The following DSCAM variants were observed in gnomAD, a reference collection of about 807,000 sequenced individuals.
DSCAM encodes the protein cell adhesion molecule DSCAM.
Under a neutral mutation model 217.7 loss-of-function variants are expected in DSCAM, and 47 were observed. The ratio of observed to expected loss-of-function variants is 0.22; its 90% CI spans 0.17 to 0.28. The LOEUF (loss-of-function observed/expected upper bound fraction) is 0.28, where lower values mean the gene tolerates loss of function less well. DSCAM is among the 10% of genes least tolerant of loss of function. DSCAM has a pLI of 1.00. For synonymous variants in DSCAM, 1,056 were observed against 1,015.3 expected (o/e 1.04, Z -0.76); for missense variants, 2,080 against 2,618.3 (o/e 0.79, Z 4.49).
chr21:40,143,990 A>G (rs1032230123), intron 17 of DSCAM, among the ~76,000 whole-genome samples: 3 of 152,182 alleles, frequency 2.0e-5, no homozygotes, highest in Non-Finnish European at 4.4e-5. Context: ...TCTCAGTGAC[A>G]TGGTGGAAGG....
rs2088156801 is a variant in DSCAM at position 40,016,326 on chromosome 21, C to G, written c.5687-2940G>C. ...CTTCCCAGGCTCTAAGCTCAGGAAA[C>G]TGTGTGGACAGTGAAATCACTAACT... On this transcript the variant is annotated intron_variant, in intron 32 of 32. Transcript: ENST00000400454. The surrounding 1 kb of genome is among the most constrained non-coding windows in gnomAD (Gnocchi z 4.3). Among the ~76,000 whole-genome samples, 1 of 152,140 alleles carries G rather than the reference C, an allele frequency of 6.6e-6. No homozygotes were observed. Among genetic ancestry groups the G allele is most frequent in the South Asian group, 2.1e-4 (1 of 4,834 alleles).
At chr21:40,178,810 G>A (rs1186148562) in intron 15 of DSCAM, 117 bp downstream of exon 15, 23 of 1,223,642 alleles carry the variant, frequency 1.9e-5, no homozygotes, top group Admixed American at 6.2e-5. Flanking sequence ...CGGAGAGCAC[G>A]CATCAAAGAC....
In DSCAM at chr21:40,502,166, G is replaced by A. The variant is rs185283784; in HGVS notation, c.509-132921C>T. ...TAGGCAACAAACCACAGTAGTATTA[G>A]TACTGTGACTTCATCATCAATAAAA... On this transcript the variant is annotated intron_variant, in intron 3 of 32. Coordinates refer to ENST00000400454, the MANE Select transcript of DSCAM (RefSeq NM_001389.5). Among the ~76,000 whole-genome samples, 51 of 152,170 alleles carry A rather than the reference G, an allele frequency of 3.4e-4. No individual in the cohort carries two copies. The East Asian group carries it at 9.5e-3, about 28-fold the overall frequency.
chr21:40,477,623 C>T (rs1374593815), intron 3 of DSCAM, among the ~76,000 whole-genome samples: 1 of 151,968 alleles, frequency 6.6e-6, no homozygotes, highest in African/African-American at 2.4e-5. Flanking sequence ...GTGATAAAAC[C>T]CATACTACTT....
At chr21:40,751,249 G>A (rs1447306602) in intron 1 of DSCAM, among the ~76,000 whole-genome samples, 3 of 152,110 alleles carry the variant, frequency 2.0e-5, no homozygotes, top group Admixed American at 2.0e-4. Flanking sequence ...GAAACTCCAC[G>A]TCTCCCTTAA....
intron 3 of DSCAM, among the ~76,000 whole-genome samples, chr21:40,509,770 C>A (rs1171721264): frequency 2.0e-5 from 3 of 152,218 alleles, no homozygotes; most frequent in African/African-American, 7.2e-5. Flanking sequence ...TACATGCATT[C>A]TGAAACCAAA....
intron 11 of DSCAM, among the ~76,000 whole-genome samples, chr21:40,196,603 C>T (rs2091012458): frequency 6.9e-6 from 1 of 145,798 alleles, no homozygotes; most frequent in African/African-American, 2.8e-5. Context: ...TTCTTTCCCT[C>T]TATCCTTCTG....
intron 3 of DSCAM, among the ~76,000 whole-genome samples, chr21:40,657,935 A>G (rs1436492603): frequency 6.6e-6 from 1 of 152,240 alleles, no homozygotes; most frequent in Non-Finnish European, 1.5e-5. Flanking sequence ...AAAAGTAAAT[A>G]AAATAAGAAT....
At chr21:40,152,588 A>G (rs1300683199) in intron 16 of DSCAM, among the ~76,000 whole-genome samples, 1 of 152,018 alleles carries the variant, frequency 6.6e-6, no homozygotes, top group African/African-American at 2.4e-5. Context: ...CAGCTTCCAA[A>G]TCCCTCCCAA....
At chr21:40,800,720 T>C (rs1189311080) in intron 1 of DSCAM, among the ~76,000 whole-genome samples, 4 of 150,120 alleles carry the variant, frequency 2.7e-5, no homozygotes, top group South Asian at 2.1e-4. Context: ...ACTTTCTTTT[T>C]TTTTTTTTTT....
At chr21:40,240,727 C>G (rs2073141409) in intron 11 of DSCAM, among the ~76,000 whole-genome samples, 1 of 152,146 alleles carries the variant, frequency 6.6e-6, no homozygotes, top group Non-Finnish European at 1.5e-5. Context: ...TTGGATTCCT[C>G]CTCTACATTC....
chr21:40,039,154 A>G (rs1265422802), intron 32 of DSCAM, among the ~76,000 whole-genome samples: 1 of 149,954 alleles, frequency 6.7e-6, no homozygotes, highest in Non-Finnish European at 1.5e-5. Flanking sequence ...GTACCCTGAA[A>G]CTTAAAGTAT....
chr21:40,369,437 G>A (rs1352015559), intron 3 of DSCAM, among the ~76,000 whole-genome samples, 192 bp from the exon 4 acceptor site: 1 of 149,694 alleles, frequency 6.7e-6, no homozygotes, highest in Non-Finnish European at 1.5e-5. Context: ...AAGGGTCCAA[G>A]CTGTTTTAAT....
At chr21:40,285,163 A>G (rs1022134225) in intron 10 of DSCAM, among the ~76,000 whole-genome samples, 9 of 152,302 alleles carry the variant, frequency 5.9e-5, no homozygotes, top group Non-Finnish European at 8.8e-5. Context: ...GTGATATTGG[A>G]AGTGGTTGAG....
intron 3 of DSCAM, among the ~76,000 whole-genome samples, chr21:40,556,488 G>A (rs2076672769): frequency 6.6e-6 from 1 of 152,102 alleles, no homozygotes; most frequent in Admixed American, 6.5e-5. Flanking sequence ...AGTATACAGA[G>A]GTCTGGGTAA....
At chr21:40,310,374 C>G (rs1351527974) in intron 9 of DSCAM, among the ~76,000 whole-genome samples, 1 of 152,206 alleles carries the variant, frequency 6.6e-6, no homozygotes, top group Admixed American at 6.5e-5. Flanking sequence ...ATCACCTTGT[C>G]CCTGCCTGTT....
chr21:40,630,393 G>T (rs764050214), intron 3 of DSCAM, among the ~76,000 whole-genome samples: 1 of 152,118 alleles, frequency 6.6e-6, no homozygotes, highest in Non-Finnish European at 1.5e-5. Flanking sequence ...CTGTCTCCAG[G>T]GTTCAAGAGA....
intron 11 of DSCAM, among the ~76,000 whole-genome samples, chr21:40,243,775 G>C (rs570940140): frequency 1.3e-5 from 2 of 152,160 alleles, no homozygotes; most frequent in Non-Finnish European, 2.9e-5. Flanking sequence ...AAAGGATAAT[G>C]CAAAGAAAGA....
At chr21:40,331,221 T>G (rs1238652417) in intron 8 of DSCAM, among the ~76,000 whole-genome samples, 1 of 152,170 alleles carries the variant, frequency 6.6e-6, no homozygotes, top group Non-Finnish European at 1.5e-5. Context: ...GGTTTGGAAT[T>G]CAGTGGAAGC....
Sources: gnomAD v4.1 joint callset for allele counts (sites outside exome capture counted in the v4.1 genomes callset) on GRCh38, gnomAD v4.1.1 for gene constraint, Gnocchi (gnomAD v3.1) non-coding constraint, MANE v1.5 for transcripts, NCBI Gene and HGNC (gene_info 2026-07-23, HGNC 2026-07-21) for gene names.